The following BBS12 variants were observed in gnomAD, a reference collection of about 807,000 sequenced individuals.
BBS12 encodes the protein chaperonin-containing T-complex member BBS12.
BBS12 carries 5 observed loss-of-function variants against 5.6 expected under a neutral mutation model. That is an observed-to-expected ratio of 0.89 (90% CI 0.46 to 1.86). BBS12 has a LOEUF of 1.86. Among genes scored for constraint, BBS12 ranks in the 40% most tolerant of loss-of-function variants. BBS12 has a pLI of 0.01. For synonymous variants in BBS12, 308 were observed against 306.8 expected (o/e 1.00, Z -0.04); for missense variants, 748 against 830.4 (o/e 0.90, Z 1.22).
chr4:122,706,072 C>A, the BBS12 span, among the ~76,000 whole-genome samples: 2 of 152,098 alleles, frequency 1.3e-5, no homozygotes, highest in Non-Finnish European at 2.9e-5. Context: ...CCTAAGTGGG[C>A]AGAATTGCTG....
At chr4:122,723,754 T>A in the BBS12 span, among the ~76,000 whole-genome samples, 2 of 152,322 alleles carry the variant, frequency 1.3e-5, no homozygotes, top group East Asian at 3.9e-4. Flanking sequence ...AGGAAGAAAG[T>A]ATTTGAGTGG....
chr4:122,736,782 C>A (rs11945992), intron 1 of BBS12, among the ~76,000 whole-genome samples: 10,027 of 152,146 alleles, frequency 0.066, 1,123 homozygotes, highest in African/African-American at 0.22. Context: ...TTTTATACCC[C>A]ATCTCTTAGA....
Position 122,741,881 on chromosome 4 carries a change from A to G in BBS12, c.-10-2A>G. ...AGTTACAAGTTTTTATTTTGTTTGC[A>G]GATCATGATACATGGTGATGGCTTG... On this transcript the variant is annotated splice_acceptor_variant, in intron 1 of 1. Transcript: ENST00000314218. LOFTEE classifies it low-confidence loss of function (5UTR_SPLICE). 3.1e-6 allele frequency: 5 copies of G among 1,611,964 alleles called. No individual in the cohort carries two copies. The highest frequency in any genetic ancestry group is 4.2e-6 in the Non-Finnish European group (5 of 1,178,198).
At chr4:122,719,617 G>A in the BBS12 span, among the ~76,000 whole-genome samples, 29 of 151,968 alleles carry the variant, frequency 1.9e-4, 1 homozygote, top group Non-Finnish European at 3.2e-4. Flanking sequence ...GGTCTGCGGC[G>A]TCACTCCTGA....
At chr4:122,726,637 T>C in the BBS12 span, among the ~76,000 whole-genome samples, 1 of 148,056 alleles carries the variant, frequency 6.8e-6, no homozygotes, top group Non-Finnish European at 1.5e-5. Flanking sequence ...TAGCAACAGA[T>C]ACTTGCACAT....
chr4:122,719,422 C>G, the BBS12 span, among the ~76,000 whole-genome samples: 29 of 152,198 alleles, frequency 1.9e-4, no homozygotes, highest in African/African-American at 6.3e-4. Context: ...AAGCTTTGTT[C>G]TTTTGCTCTT....
At position 122,743,454 on chromosome 4, in the gene BBS12, C is replaced by T. The variant is rs1479639990; in HGVS notation, c.1562C>T (p.Thr521Ile). 5.0e-6 allele frequency: 8 copies of T among 1,614,232 alleles called. No homozygotes were observed. Among genetic ancestry groups the T allele is most frequent in the Non-Finnish European group, 5.9e-6 (7 of 1,180,032 alleles). Reference protein sequence around the residue: ...QMQIKEDRFWTCAYRLYYALK... With the variant: ...QMQIKEDRFWICAYRLYYALK... ...CAAATCAAAGAAGATAGGTTCTGGA[C>T]ATGTGCCTATCGTTTGTATTATGCT... Residue 521 changes from threonine (T) to isoleucine (I), a missense_variant, in exon 2 of 2, where the codon ACA becomes ATA. Physicochemically the swap from Thr to Ile is moderately conservative, Grantham distance 89. Transcript: ENST00000314218.
chr4:122,741,204 T>G (rs1455615375), intron 1 of BBS12, among the ~76,000 whole-genome samples: 1 of 152,208 alleles, frequency 6.6e-6, no homozygotes, highest in Non-Finnish European at 1.5e-5. Flanking sequence ...TTGTTTTTTC[T>G]GAGACTGAGT....
chr4:122,742,290 C>G lies in BBS12; in HGVS notation c.398C>G (p.Pro133Arg). 6.2e-7 allele frequency: 1 copy of G among 1,613,870 alleles called. No homozygotes were observed. The highest frequency in any genetic ancestry group is 8.5e-7 in the Non-Finnish European group (1 of 1,179,936). ...GAAGAGGTAGTTTCTCTTCATGTAC[C>G]TGTTCACAATATATTTGACTGTATG... ...CSEEVVSLHV[P>R]VHNIFDCMDS... is the part of the protein sequence containing the mutation. The change falls in exon 2 of 2, where the codon CCT becomes CGT. Residue 133 changes from proline (P) to arginine (R), a missense_variant. Transcript: ENST00000314218.
At chr4:122,732,055 C>A (rs1432562345), upstream of BBS12, 3 of 152,220 alleles carry the variant, frequency 2.0e-5, no homozygotes, top group South Asian at 2.1e-4. Flanking sequence ...TCAGAACCTT[C>A]TTTTACATCG....
intron 1 of BBS12, among the ~76,000 whole-genome samples, chr4:122,740,238 G>A (rs1307634923): frequency 6.6e-6 from 1 of 152,190 alleles, no homozygotes; most frequent in Non-Finnish European, 1.5e-5. Context: ...CTGCACTCCA[G>A]TCTAGGTGAC....
At chr4:122,707,540 A>G in the BBS12 span, among the ~76,000 whole-genome samples, 1 of 152,184 alleles carries the variant, frequency 6.6e-6, no homozygotes, top group Non-Finnish European at 1.5e-5. Context: ...TGAGACCACC[A>G]CGTGAATCAA....
the BBS12 span, among the ~76,000 whole-genome samples, chr4:122,716,533 A>G: frequency 5.1e-4 from 77 of 150,214 alleles, no homozygotes; most frequent in African/African-American, 1.9e-3. Flanking sequence ...TTATATTTAT[A>G]TATACATATG....
At chr4:122,729,442 GAGTT>G (rs1230693883), upstream of BBS12, 1 of 152,234 alleles carries the variant, frequency 6.6e-6, no homozygotes, top group Non-Finnish European at 1.5e-5. Context: ...AATTGAAAAT[GAGTT>G]AGAAAATACA....
chr4:122,727,941 A>G (rs1052535587), upstream of BBS12, among the ~76,000 whole-genome samples: 19 of 152,188 alleles, frequency 1.2e-4, no homozygotes, highest in African/African-American at 4.6e-4. Context: ...AAACATGTGA[A>G]AAAACACTCA....
the BBS12 span, among the ~76,000 whole-genome samples, chr4:122,717,681 C>A: frequency 1.7e-3 from 255 of 152,280 alleles, 3 homozygotes; most frequent in South Asian, 0.018. Context: ...AGCTGTGCAC[C>A]ACCGTGCCCA....
At chr4:122,721,091 T>C in the BBS12 span, among the ~76,000 whole-genome samples, 1 of 152,110 alleles carries the variant, frequency 6.6e-6, no homozygotes, top group Non-Finnish European at 1.5e-5. Context: ...TAGAAGTCTA[T>C]ACACAGCAAA....
chr4:122,725,813 G>A, the BBS12 span, among the ~76,000 whole-genome samples: 1 of 146,284 alleles, frequency 6.8e-6, no homozygotes, highest in South Asian at 2.1e-4. Context: ...CAGGAGAATC[G>A]CTTAAACCCA....
rs1242135360 is a variant in BBS12, at chr4:122,743,831, A to G, written c.1939A>G (p.Ile647Val). ...TGAATATAGTAAACTAAATAGTAGA[A>G]TTTTTAATTCAGACATTTCAAATAA... ...LNEYSKLNSR[I>V]FNSDISNKLE... The change falls in exon 2 of 2, where the codon ATT becomes GTT. Residue 647 changes from isoleucine to valine, a missense_variant. Transcript: ENST00000314218. 2 of 1,606,520 alleles carry G rather than the reference A, an allele frequency of 1.2e-6. No homozygotes were observed. The highest frequency in any genetic ancestry group is 1.7e-6 in the Non-Finnish European group (2 of 1,177,154).
Sources: allele counts gnomAD v4.1 joint callset (sites outside exome capture counted in the v4.1 genomes callset), GRCh38; gene constraint gnomAD v4.1.1; transcripts MANE v1.5; gene names NCBI Gene and HGNC (gene_info 2026-07-23, HGNC 2026-07-21).